KNL1: variants seen among roughly 807,000 people sequenced by gnomAD.
KNL1 encodes outer kinetochore KNL1 complex subunit KNL1.
Under a neutral mutation model 201.3 loss-of-function variants are expected in KNL1, and 66 were observed. The ratio of observed to expected loss-of-function variants is 0.33; its 90% CI spans 0.27 to 0.40. The LOEUF is 0.40. Among genes scored for constraint, KNL1 ranks in the 10% least tolerant of loss-of-function variants. The probability of loss-of-function intolerance (pLI) is 1.00; values close to 1 mark genes in which losing one functional copy is unlikely to be tolerated. For synonymous variants in KNL1, 895 were observed against 899.2 expected (o/e 1.00, Z 0.08); for missense variants, 2,815 against 2,690.5 (o/e 1.05, Z -1.02).
chr15:40,610,810 A>G (rs1461938732), intron 6 of KNL1: 5 of 455,268 alleles, frequency 1.1e-5, no homozygotes, highest in Non-Finnish European at 2.2e-5. Context: ...CTGCAGTGCA[A>G]TGGTGCCATC....
intron 19 of KNL1, among the ~76,000 whole-genome samples, 182 bp from the exon 20 acceptor site, chr15:40,651,288 GC>G (rs1893551283): frequency 1.5e-5 from 1 of 65,958 alleles, no homozygotes; most frequent in Admixed American, 1.3e-4. Flanking sequence ...CTAGATTAAT[GC>G]TTATATAAAA....
intron 4 of KNL1, among the ~76,000 whole-genome samples, chr15:40,607,730 T>C (rs117322534): frequency 6.6e-6 from 1 of 152,152 alleles, no homozygotes; most frequent in East Asian, 1.9e-4. Flanking sequence ...ATTAGGGAAA[T>C]GTAAATCAAA....
chr15:40,614,556 C>T (rs1218851689), intron 7 of KNL1, among the ~76,000 whole-genome samples: 1 of 152,180 alleles, frequency 6.6e-6, no homozygotes, highest in African/African-American at 2.4e-5. Flanking sequence ...TCAGGTGACT[C>T]ACTCCTTACA....
chr15:40,596,947 C>T (rs1356919883), intron 1 of KNL1, among the ~76,000 whole-genome samples: 1 of 145,496 alleles, frequency 6.9e-6, no homozygotes, highest in African/African-American at 2.5e-5. Context: ...TTGCAGTGAG[C>T]CAAGATTGCG....
intron 13 of KNL1, among the ~76,000 whole-genome samples, chr15:40,635,050 A>ATT (rs35448029): frequency 2.8e-5 from 4 of 142,462 alleles, no homozygotes; most frequent in Non-Finnish European, 4.6e-5. Context: ...CTGTTTCAGG[A>ATT]TTTTTTTTTT....
chr15:40,651,937 G>GT, intron 20 of KNL1, 68 bp from the exon 21 acceptor site: 1 of 979,862 alleles, frequency 1.0e-6, no homozygotes. Context: ...TGTTTGGGTG[G>GT]TATCAGAAGT....
intron 21 of KNL1, among the ~76,000 whole-genome samples, chr15:40,652,763 A>AAG (rs1412627721): frequency 6.8e-6 from 1 of 147,460 alleles, no homozygotes; most frequent in African/African-American, 2.6e-5. Flanking sequence ...ACTGTCTCAA[A>AAG]AAAAAAAAAA....
rs192634990 is a variant in KNL1 at position 40,602,338 on chromosome 15, G to C, written c.-17-577G>C. On this transcript the variant is annotated intron_variant, in intron 1 of 25. Coordinates refer to ENST00000399668, the MANE Select transcript of KNL1 (RefSeq NM_144508.5). ...TTTTCAGTAGAGACGGGGTTTCACCGTGTTAGCCAGGATGGTCTCGATCTC... is the reference window on the plus strand; with the variant it reads ...TTTTCAGTAGAGACGGGGTTTCACCCTGTTAGCCAGGATGGTCTCGATCTC... Among the ~76,000 whole-genome samples, 454 of 144,044 alleles carry C rather than the reference G, an allele frequency of 3.2e-3. 3 individuals carry two copies. The highest frequency in any genetic ancestry group is 0.011 in the African/African-American group (434 of 38,754). The allele number at this position is 144,044 out of a possible 152,430, so 94.5% of individuals were successfully genotyped here.
intron 1 of KNL1, among the ~76,000 whole-genome samples, chr15:40,602,144 A>C (rs1193899895): frequency 1.3e-5 from 2 of 150,150 alleles, no homozygotes; most frequent in Non-Finnish European, 3.0e-5. Flanking sequence ...ATTCTGCCTC[A>C]GCCTCCTGAT....
rs1041674603 is a variant in KNL1, at chr15:40,650,435, T to C, written c.6172+57T>C. The C allele has an allele frequency of 2.5e-6, 4 of 1,568,800 alleles. No individual in the cohort carries two copies. The African/African-American group carries it at 5.4e-5, about 21-fold the overall frequency. ...GTGGGGGAAGCCCTTCTGTTCTGAG[T>C]TTGTTTATATACTTTGGTGAGATTA... On this transcript the variant is annotated intron_variant, in intron 18 of 25. Coordinates refer to ENST00000399668, the MANE Select transcript of KNL1 (RefSeq NM_144508.5).
chr15:40,644,621 A>C (rs1893331228), intron 14 of KNL1, among the ~76,000 whole-genome samples: 1 of 152,238 alleles, frequency 6.6e-6, no homozygotes, highest in Non-Finnish European at 1.5e-5. Context: ...CCCCGCTTTC[A>C]AGGGCAGAGG....
chr15:40,601,597 C>T (rs1891791773), intron 1 of KNL1, among the ~76,000 whole-genome samples: 1 of 151,878 alleles, frequency 6.6e-6, no homozygotes, highest in East Asian at 2.0e-4. Context: ...TTTGGGAGGC[C>T]GAGGCGGGTG....
At chr15:40,644,291 C>G (rs1345652584) in intron 14 of KNL1, among the ~76,000 whole-genome samples, 2 of 152,230 alleles carry the variant, frequency 1.3e-5, no homozygotes, top group Non-Finnish European at 2.9e-5. Context: ...ATGTTTCTCT[C>G]CACTCAAACA....
chr15:40,605,209 C>A (rs1891934718), intron 3 of KNL1, 60 bp downstream of exon 3: 2 of 965,410 alleles, frequency 2.1e-6, no homozygotes, highest in Non-Finnish European at 3.4e-6. Flanking sequence ...AACCATATAT[C>A]ACAGTAGTTT....
At chr15:40,619,612 C>T (rs990517928) in intron 9 of KNL1, among the ~76,000 whole-genome samples, 1 of 152,040 alleles carries the variant, frequency 6.6e-6, no homozygotes, top group African/African-American at 2.4e-5. Context: ...CTCTGTTGCC[C>T]AGGCTGGTCT....
chr15:40,620,174 G>T (rs1411876355), intron 9 of KNL1, among the ~76,000 whole-genome samples: 4 of 151,768 alleles, frequency 2.6e-5, no homozygotes, highest in Non-Finnish European at 5.9e-5. Context: ...CTTCCAAAGT[G>T]CTTGGATTAC....
At chr15:40,634,272 A>G (rs1458342852) in intron 13 of KNL1, among the ~76,000 whole-genome samples, 2 of 152,012 alleles carry the variant, frequency 1.3e-5, no homozygotes, top group Non-Finnish European at 2.9e-5. Context: ...ACACCTGGCC[A>G]ATTTTTGTAT....
chr15:40,602,881 C>T (rs866283492), intron 1 of KNL1, 34 bp from the exon 2 acceptor site: 3 of 1,189,164 alleles, frequency 2.5e-6, no homozygotes, highest in Admixed American at 1.9e-5. Context: ...CTTCCTTTTT[C>T]CTCATGTTTT....
Position 40,622,218 on chromosome 15 carries a change from C to A in KNL1, c.1954C>A (p.Leu652Ile). Residue 652 changes from leucine to isoleucine, a missense_variant, in exon 10 of 26, where the codon CTT becomes ATT. Physicochemically the swap from Leu to Ile is conservative, Grantham distance 5. Transcript: ENST00000399668. ...KDWVLKILPY[L>I]DKDSPQSADC... ...TTGGGTTTTGAAGATTTTGCCCTAC[C>A]TTGATAAAGATTCTCCTCAGTCAGC... is the stretch of plus-strand genomic sequence containing the variant. 6.2e-7 allele frequency: 1 copy of A among 1,614,066 alleles called. No homozygotes were observed.
Sources: allele counts gnomAD v4.1 joint callset (sites outside exome capture counted in the v4.1 genomes callset), GRCh38; gene constraint gnomAD v4.1.1; transcripts MANE v1.5; gene names NCBI Gene and HGNC (gene_info 2026-07-23, HGNC 2026-07-21).